CSMD1: variants seen among roughly 807,000 people sequenced by gnomAD.
CSMD1 encodes CUB and Sushi multiple domains 1.
A neutral mutation model predicts 417.5 loss-of-function variants in CSMD1; 213 were observed. The ratio of observed to expected loss-of-function variants is 0.51; its 90% CI spans 0.46 to 0.57. CSMD1 has a LOEUF of 0.57. CSMD1 is among the 20% of genes least tolerant of loss of function. The pLI, the probability that CSMD1 is intolerant of heterozygous loss-of-function variation, is 0.00. For missense variants in CSMD1, 6,923 were observed against 4,529.7 expected (o/e 1.53, Z -15.17); for synonymous variants, 2,862 against 1,736.8 (o/e 1.65, Z -16.11).
At chr8:3,979,900 A>C (rs1194270542) in intron 5 of CSMD1, among the ~76,000 whole-genome samples, 4 of 152,254 alleles carry the variant, frequency 2.6e-5, no homozygotes, top group African/African-American at 9.6e-5. Flanking sequence ...GTAAACTGAA[A>C]GGCATACTCC....
chr8:4,449,614 T>C (rs1431890591), intron 2 of CSMD1, among the ~76,000 whole-genome samples: 1 of 152,158 alleles, frequency 6.6e-6, no homozygotes, highest in Non-Finnish European at 1.5e-5. Flanking sequence ...TTCACTGCTG[T>C]AGCCAGAATA....
chr8:3,766,939 G>A (rs908958796), intron 5 of CSMD1, among the ~76,000 whole-genome samples: 6 of 152,190 alleles, frequency 3.9e-5, no homozygotes, highest in Admixed American at 1.3e-4. Context: ...CGAGTCCGAC[G>A]GCAACAGATG....
At chr8:4,159,317 A>T (rs1797014128) in intron 3 of CSMD1, among the ~76,000 whole-genome samples, 1 of 152,212 alleles carries the variant, frequency 6.6e-6, no homozygotes, top group Non-Finnish European at 1.5e-5. Flanking sequence ...AGCTAAATTA[A>T]TGTCCATTAT....
chr8:3,949,011 A>C (rs546232042), intron 5 of CSMD1, among the ~76,000 whole-genome samples: 1 of 152,312 alleles, frequency 6.6e-6, no homozygotes, highest in African/African-American at 2.4e-5. Flanking sequence ...AAAATGTATT[A>C]AATCTGAACT....
intron 40 of CSMD1, among the ~76,000 whole-genome samples, chr8:3,144,797 G>GA (rs201840243): frequency 2.2e-5 from 3 of 133,738 alleles, no homozygotes; most frequent in South Asian, 2.7e-4. Flanking sequence ...GGCAACAAGG[G>GA]GGGGGGGGAG....
intron 31 of CSMD1, among the ~76,000 whole-genome samples, 178 bp from the exon 32 acceptor site, chr8:3,201,903 T>A (rs935383997): frequency 1.3e-5 from 2 of 152,250 alleles, no homozygotes; most frequent in African/African-American, 4.8e-5. Context: ...ACAAAACTAT[T>A]TTACTTTGCT....
At chr8:4,698,537 T>C (rs1807284348) in intron 1 of CSMD1, among the ~76,000 whole-genome samples, 1 of 152,106 alleles carries the variant, frequency 6.6e-6, no homozygotes, top group South Asian at 2.1e-4. Context: ...ACAGGGAAGT[T>C]TATTTTTGAG....
chr8:3,703,419 G>GAA (rs886987758), intron 7 of CSMD1, among the ~76,000 whole-genome samples: 22 of 149,540 alleles, frequency 1.5e-4, no homozygotes, highest in Admixed American at 2.7e-4. Context: ...CCAAAGCACA[G>GAA]AGATTCCTTT....
At chr8:3,877,748 T>G (rs1805925959) in intron 5 of CSMD1, among the ~76,000 whole-genome samples, 1 of 152,212 alleles carries the variant, frequency 6.6e-6, no homozygotes, top group African/African-American at 2.4e-5. Flanking sequence ...CGTTAATAAT[T>G]CACTTTGATA....
At chr8:4,000,923 C>T (rs137985777) in intron 4 of CSMD1, among the ~76,000 whole-genome samples, 64 of 151,882 alleles carry the variant, frequency 4.2e-4, no homozygotes, top group Middle Eastern at 3.4e-3. Context: ...TCCACGTTAC[C>T]AAAATGATGT....
intron 3 of CSMD1, among the ~76,000 whole-genome samples, chr8:4,353,386 G>A (rs866827958): frequency 1.8e-4 from 27 of 152,136 alleles, no homozygotes; most frequent in Admixed American, 3.3e-4. Context: ...CCCCAGCCGT[G>A]TGGAACTGTG....
At chr8:3,201,820 G>T in intron 31 of CSMD1, 95 bp from the exon 32 acceptor site, 7 of 558,014 alleles carry the variant, frequency 1.3e-5, no homozygotes, top group Admixed American at 3.3e-5. Context: ...TTGCCCCAAT[G>T]GATCATTATC....
At chr8:3,358,097 G>A (rs1165189533) in intron 21 of CSMD1, among the ~76,000 whole-genome samples, 1 of 152,122 alleles carries the variant, frequency 6.6e-6, no homozygotes, top group Non-Finnish European at 1.5e-5. Context: ...AACAAGTTAT[G>A]CTAAACAAGT....
At chr8:4,083,641 T>C (rs962385219) in intron 3 of CSMD1, among the ~76,000 whole-genome samples, 3 of 152,152 alleles carry the variant, frequency 2.0e-5, no homozygotes, top group Non-Finnish European at 2.9e-5. Flanking sequence ...TAGCCATATG[T>C]AGAAAGCTGA....
At chr8:3,831,087 T>G (rs1014798904) in intron 5 of CSMD1, among the ~76,000 whole-genome samples, 1 of 152,168 alleles carries the variant, frequency 6.6e-6, no homozygotes, top group Non-Finnish European at 1.5e-5. Flanking sequence ...AATCAAATAT[T>G]GAGTGTCCAA....
In CSMD1 at chr8:4,869,669, T is replaced by C. The variant is rs548954375; in HGVS notation, c.85+124663A>G. 1.3e-5 allele frequency among the ~76,000 whole-genome samples: 2 copies of C among 152,046 alleles called. 1 individual carries two copies. The highest frequency in any genetic ancestry group is 4.8e-5 in the African/African-American group (2 of 41,374). Reference sequence around the variant, plus strand: ...GCTAATACAGATTTTTAAAAAACATTAGGGCACCATTTTCTCTGATTATTA... The same window carrying C: ...GCTAATACAGATTTTTAAAAAACATCAGGGCACCATTTTCTCTGATTATTA... On this transcript the variant is annotated intron_variant, in intron 1 of 69. Transcript: ENST00000635120.
At chr8:4,788,631 C>G in intron 1 of CSMD1, 1 of 784,362 alleles carries the variant, frequency 1.3e-6, no homozygotes, top group Admixed American at 2.5e-5. Context: ...CTACAAATTT[C>G]TAATTTAGCT....
At chr8:4,470,805 C>T (rs893424545) in intron 2 of CSMD1, among the ~76,000 whole-genome samples, 1 of 152,174 alleles carries the variant, frequency 6.6e-6, no homozygotes, top group Admixed American at 6.5e-5. Flanking sequence ...CTAACACATT[C>T]TTACAGGTTA....
At chr8:3,064,622 C>T (rs1812798380) in intron 49 of CSMD1, among the ~76,000 whole-genome samples, 1 of 152,060 alleles carries the variant, frequency 6.6e-6, no homozygotes, top group Admixed American at 6.5e-5. Context: ...AACATATGAT[C>T]CAAACGTGGA....
Sources: allele counts gnomAD v4.1 joint callset (sites outside exome capture counted in the v4.1 genomes callset), GRCh38; gene constraint gnomAD v4.1.1; transcripts MANE v1.5; gene names NCBI Gene and HGNC (gene_info 2026-07-23, HGNC 2026-07-21).